The following HYAL4 variants were observed in gnomAD, a reference collection of about 807,000 sequenced individuals.
The protein encoded by HYAL4 is hyaluronidase 4.
In HYAL4, 37 loss-of-function variants were observed where a neutral mutation model predicts 35.2. The observed-to-expected ratio is 1.05, with a 90% CI of 0.81 to 1.38. The LOEUF is 1.38. HYAL4 is among the 40% of genes most tolerant of loss of function. HYAL4 has a pLI of 0.00. For synonymous variants in HYAL4, 198 were observed against 203.2 expected, an observed-to-expected ratio of 0.97 and a Z score of 0.22; for missense variants, 572 against 572.4, an observed-to-expected ratio of 1.00 and a Z score of 0.01.
At chr7:123,824,473 G>A (rs774913865), upstream of HYAL4, among the ~76,000 whole-genome samples, 27 of 152,088 alleles carry the variant, frequency 1.8e-4, no homozygotes, top group Non-Finnish European at 2.6e-4. Flanking sequence ...CTTTCCTGCT[G>A]AAAGCCTTTT....
intron 2 of HYAL4, among the ~76,000 whole-genome samples, chr7:123,862,975 G>A (rs1806607799): frequency 6.6e-6 from 1 of 152,152 alleles, no homozygotes; most frequent in African/African-American, 2.4e-5. Flanking sequence ...AAGGTCTTTA[G>A]AGACAGCAGA....
the HYAL4 span, among the ~76,000 whole-genome samples, chr7:123,765,340 A>C: frequency 6.6e-6 from 1 of 152,176 alleles, no homozygotes; most frequent in Non-Finnish European, 1.5e-5. Context: ...AGTGTAGGTA[A>C]GGAGAAAAAT....
intron 2 of HYAL4, among the ~76,000 whole-genome samples, chr7:123,852,715 T>C (rs1350020136): frequency 6.6e-6 from 1 of 152,230 alleles, no homozygotes; most frequent in African/African-American, 2.4e-5. Flanking sequence ...GTCTTGGCTA[T>C]ACAGGCTCTT....
At chr7:123,809,940 G>T in the HYAL4 span, among the ~76,000 whole-genome samples, 37 of 152,254 alleles carry the variant, frequency 2.4e-4, no homozygotes, top group African/African-American at 8.4e-4. Context: ...ACCCCTCAAA[G>T]TTATAGTCAC....
upstream of HYAL4, among the ~76,000 whole-genome samples, chr7:123,827,420 T>C (rs1805814789): frequency 6.6e-6 from 1 of 152,248 alleles, no homozygotes; most frequent in Non-Finnish European, 1.5e-5. Context: ...CCTTTGTCTT[T>C]CTTGGTTGCT....
At chr7:123,839,221 G>A (rs1484984049) in intron 1 of HYAL4, among the ~76,000 whole-genome samples, 1 of 151,554 alleles carries the variant, frequency 6.6e-6, no homozygotes, top group Non-Finnish European at 1.5e-5. Flanking sequence ...CCACCTATGA[G>A]TGAGAACATG....
intron 2 of HYAL4, among the ~76,000 whole-genome samples, chr7:123,864,907 G>T (rs1806651393): frequency 6.6e-6 from 1 of 151,464 alleles, no homozygotes; most frequent in Non-Finnish European, 1.5e-5. Flanking sequence ...ACGGGCACAG[G>T]ATTTTACTTA....
At chr7:123,833,838 G>A (rs1805920549) in intron 1 of HYAL4, among the ~76,000 whole-genome samples, 1 of 152,098 alleles carries the variant, frequency 6.6e-6, no homozygotes, top group Non-Finnish European at 1.5e-5. Context: ...TTGTTGAAAA[G>A]GGTGTCCTTT....
chr7:123,769,143 A>C, the HYAL4 span, among the ~76,000 whole-genome samples: 1 of 152,066 alleles, frequency 6.6e-6, no homozygotes, highest in African/African-American at 2.4e-5. Flanking sequence ...TTTTTTTCCT[A>C]AGTAGAATTA....
the HYAL4 span, among the ~76,000 whole-genome samples, chr7:123,789,577 C>T: frequency 6.6e-6 from 1 of 152,046 alleles, no homozygotes. Context: ...AACATATGCT[C>T]TGTTATTTGC....
intron 4 of HYAL4, chr7:123,875,999 T>G: frequency 2.2e-6 from 1 of 456,668 alleles, no homozygotes; most frequent in Non-Finnish European, 4.4e-6. Flanking sequence ...AGGTAGAAAC[T>G]GAGAGGATTA....
At chr7:123,847,808 T>G (rs1239421923) in intron 1 of HYAL4, among the ~76,000 whole-genome samples, 1 of 152,182 alleles carries the variant, frequency 6.6e-6, no homozygotes, top group East Asian at 1.9e-4. Flanking sequence ...CATGCTTTAG[T>G]ACACAAAGCA....
intron 2 of HYAL4, among the ~76,000 whole-genome samples, chr7:123,860,300 T>C (rs1454793363): frequency 1.3e-5 from 2 of 152,208 alleles, no homozygotes; most frequent in African/African-American, 2.4e-5. Flanking sequence ...TATTTCCTTA[T>C]AGCAGTGTGA....
chr7:123,862,850 A>C (rs1224150990), intron 2 of HYAL4, among the ~76,000 whole-genome samples: 1 of 152,216 alleles, frequency 6.6e-6, no homozygotes, highest in Non-Finnish European at 1.5e-5. Context: ...CTTCTTTCAA[A>C]GCCCACCACA....
chr7:123,810,848 C>T, the HYAL4 span, among the ~76,000 whole-genome samples: 74 of 152,330 alleles, frequency 4.9e-4, no homozygotes, highest in Middle Eastern at 3.4e-3. Flanking sequence ...CAACCCTTGG[C>T]AACCACTAAA....
Position 123,853,062 on chromosome 7 carries a change from CT to C in HYAL4, c.-52+4906del, listed in dbSNP as rs367808378. Among the ~76,000 whole-genome samples, 78 of 152,254 alleles carry C rather than the reference CT, an allele frequency of 5.1e-4. 1 individual carries two copies. The highest frequency in any genetic ancestry group is 1.8e-3 in the African/African-American group (76 of 41,554). ...GGTCTATCATTGGTGTATAGGAATG[CT>C]TGTGGTTTTTGCACATTGATTTTGT... On this transcript the variant is annotated intron_variant, in intron 2 of 4. Transcript: ENST00000223026.
the HYAL4 span, among the ~76,000 whole-genome samples, chr7:123,808,976 T>C: frequency 6.6e-6 from 1 of 152,194 alleles, no homozygotes; most frequent in Admixed American, 6.5e-5. Flanking sequence ...CATTAGAGAT[T>C]AGGTTTCAAC....
intron 2 of HYAL4, among the ~76,000 whole-genome samples, chr7:123,867,752 A>G (rs943379460): frequency 3.3e-5 from 5 of 152,160 alleles, no homozygotes; most frequent in East Asian, 3.8e-4. Context: ...TGCCTTCCAT[A>G]TAAAGTGACA....
chr7:123,833,351 A>G, intron 1 of HYAL4, among the ~76,000 whole-genome samples: 1 of 152,106 alleles, frequency 6.6e-6, no homozygotes, highest in East Asian at 1.9e-4. Flanking sequence ...ACATTTTTTC[A>G]TATGTTTGAT....
Sources: allele counts gnomAD v4.1 joint callset (sites outside exome capture counted in the v4.1 genomes callset), GRCh38; gene constraint gnomAD v4.1.1; transcripts MANE v1.5; gene names NCBI Gene and HGNC (gene_info 2026-07-23, HGNC 2026-07-21).